The following UBE2J1 variants were observed in gnomAD, a reference collection of about 807,000 sequenced individuals.
UBE2J1 encodes ubiquitin-conjugating enzyme E2 J1.
A neutral mutation model predicts 42.1 loss-of-function variants in UBE2J1; 17 were observed. The ratio of observed to expected loss-of-function variants is 0.40; its 90% CI spans 0.28 to 0.61. UBE2J1 has a LOEUF of 0.61. Ranked by LOEUF, UBE2J1 falls within the 20% of genes least tolerant of loss-of-function variation. The pLI is 0.38. For missense variants in UBE2J1, 291 were observed against 389.4 expected, an observed-to-expected ratio of 0.75 and a Z score of 2.13; for synonymous variants, 127 against 137.2, an observed-to-expected ratio of 0.93 and a Z score of 0.52.
chr6:89,346,278 A>C (rs556171527), intron 1 of UBE2J1, among the ~76,000 whole-genome samples: 2 of 152,278 alleles, frequency 1.3e-5, no homozygotes, highest in East Asian at 3.9e-4. Flanking sequence ...TCACTGGATC[A>C]TCAACTATTT....
In UBE2J1 at chr6:89,338,128, G is replaced by A. The variant is rs762466481; in HGVS notation, c.428+77C>T. The A allele has an allele frequency of 7.5e-6, 7 of 928,156 alleles. No individual in the cohort carries two copies. In the Admixed American group the frequency reaches 1.6e-4, roughly 22 times the overall value. The allele number at this position is 928,156 out of a possible 1,614,324, so 57.5% of individuals were successfully genotyped here. A position where few individuals can be genotyped will look rare whatever the true frequency, so the allele number is the denominator to read the frequency against. ...ACTCAGAAAATAAGTCACATAGTAA[G>A]AGGTAGGCCCTACCTCCTAATAGCC... On this transcript the variant is annotated intron_variant, in intron 5 of 7. Transcript: ENST00000435041.
chr6:89,342,424 C>G lies in UBE2J1; in HGVS notation c.137G>C (p.Arg46Thr). 1.2e-6 allele frequency: 2 copies of G among 1,612,638 alleles called. No individual in the cohort carries two copies. The highest frequency in any genetic ancestry group is 1.7e-6 in the Non-Finnish European group (2 of 1,179,592). Residue 46 changes from arginine to threonine, a missense_variant, in exon 3 of 8, where the codon AGA (arginine) becomes ACA (threonine). Transcript: ENST00000435041. Reference protein sequence around the residue: ...DNLFEWHFTVRGPPDSDFDGG... With the variant: ...DNLFEWHFTVTGPPDSDFDGG... ...ATCAAAATCGGAGTCTGGGGGCCCTCTAACCGTGAAGTGCCATTCAAAAAG... is the reference window on the plus strand; with the variant it reads ...ATCAAAATCGGAGTCTGGGGGCCCTGTAACCGTGAAGTGCCATTCAAAAAG...
intron 7 of UBE2J1, among the ~76,000 whole-genome samples, chr6:89,332,330 C>A (rs974533913): frequency 6.6e-6 from 1 of 152,090 alleles, no homozygotes; most frequent in African/African-American, 2.4e-5. Flanking sequence ...TTTTTTGGCA[C>A]CAATCCAGTC....
At chr6:89,343,796 C>A in intron 1 of UBE2J1, 40 bp from the exon 2 acceptor site, 1 of 1,486,332 alleles carries the variant, frequency 6.7e-7, no homozygotes, top group East Asian at 2.4e-5. Context: ...TTAAAATATA[C>A]TTTTCTGAAT....
At chr6:89,343,519 TA>T (rs573801139) in intron 2 of UBE2J1, among the ~76,000 whole-genome samples, 163 bp downstream of exon 2, 23 of 150,914 alleles carry the variant, frequency 1.5e-4, no homozygotes, top group African/African-American at 5.3e-4. Context: ...CCGTTTCTTC[TA>T]AAGTGATTTG....
At chr6:89,334,597 G>A (rs112239906) in intron 6 of UBE2J1, among the ~76,000 whole-genome samples, 5,917 of 150,872 alleles carry the variant, frequency 0.039, 154 homozygotes, top group African/African-American at 0.074. Context: ...TCAGCCTCCC[G>A]AGTAGCTGGG....
In UBE2J1 at chr6:89,328,353, C is replaced by A. The variant is rs1767943848; in HGVS notation, c.*1326G>T. On this transcript the variant is annotated 3_prime_UTR_variant, in exon 8 of 8. Transcript: ENST00000435041. ...CCTCCCCTATACTATTCAAGATATA[C>A]ATATGGGCTAACTTTCGTGGACCGA... The A allele has an allele frequency of 2.0e-5, 3 of 152,202 alleles. No individual in the cohort carries two copies. In the South Asian group the frequency reaches 6.2e-4, roughly 31 times the overall value. 9.4% of individuals were successfully genotyped at this position (152,202 alleles called of 1,614,324 possible).
intron 3 of UBE2J1, 22 bp from the exon 4 acceptor site, chr6:89,338,565 T>G: frequency 6.9e-7 from 1 of 1,457,178 alleles, no homozygotes; most frequent in Non-Finnish European, 9.2e-7. Flanking sequence ...ACAATGCATT[T>G]AGAAAATTAA....
intron 3 of UBE2J1, 114 bp downstream of exon 3, chr6:89,342,210 A>T: frequency 7.9e-7 from 1 of 1,265,206 alleles, no homozygotes; most frequent in Admixed American, 2.6e-5. Context: ...CCTGGACCCC[A>T]AAAGCAAAAT....
At chr6:89,344,323 A>C (rs989660593) in intron 1 of UBE2J1, among the ~76,000 whole-genome samples, 1 of 152,200 alleles carries the variant, frequency 6.6e-6, no homozygotes, top group Admixed American at 6.5e-5. Flanking sequence ...ATCTTGCATT[A>C]AATGAATGGA....
At position 89,352,712 on chromosome 6, in the gene UBE2J1, G is replaced by C; in HGVS notation, c.-143C>G. 1 of 932,592 alleles carries C rather than the reference G, an allele frequency of 1.1e-6. No homozygotes were observed. The highest frequency in any genetic ancestry group is 1.5e-6 in the Non-Finnish European group (1 of 680,970). 57.8% of individuals were successfully genotyped at this position (932,592 alleles called of 1,614,324 possible). A position where few individuals can be genotyped will look rare whatever the true frequency, so the allele number is the denominator to read the frequency against. On this transcript the variant is annotated 5_prime_UTR_variant, in exon 1 of 8. Transcript: ENST00000435041. ...AATGCCGCCCAGTCCAGCCTGGACTGCGGGCGGGGTGGCAAGGCTGAGTGC... is the reference window on the plus strand; with the variant it reads ...AATGCCGCCCAGTCCAGCCTGGACTCCGGGCGGGGTGGCAAGGCTGAGTGC...
intron 7 of UBE2J1, among the ~76,000 whole-genome samples, chr6:89,332,766 A>G (rs1768034235): frequency 6.6e-6 from 1 of 152,244 alleles, no homozygotes; most frequent in Non-Finnish European, 1.5e-5. Context: ...GTGTCTATTT[A>G]GAAAGTGGCT....
chr6:89,333,941 G>A (rs1316644857), intron 6 of UBE2J1, among the ~76,000 whole-genome samples: 1 of 152,186 alleles, frequency 6.6e-6, no homozygotes, highest in African/African-American at 2.4e-5. Flanking sequence ...TGTTTGTGAA[G>A]CTAATTAAAT....
At chr6:89,336,452 C>T (rs9451205) in intron 5 of UBE2J1, among the ~76,000 whole-genome samples, 7 of 145,176 alleles carry the variant, frequency 4.8e-5, no homozygotes, top group East Asian at 2.1e-4. Flanking sequence ...CACCACACCC[C>T]GCTAATTTTT....
At chr6:89,330,070 A>G (rs1767980279) in intron 7 of UBE2J1, 113 bp from the exon 8 acceptor site, 1 of 1,019,720 alleles carries the variant, frequency 9.8e-7, no homozygotes, top group Non-Finnish European at 1.4e-6. Flanking sequence ...TAAGGGCAAC[A>G]CTACCAAGAA....
chr6:89,329,063 C>A lies in UBE2J1; in HGVS notation c.*616G>T, dbSNP rs1384109095. The A allele has an allele frequency of 2.6e-5, 4 of 152,438 alleles. No individual in the cohort carries two copies. The highest frequency in any genetic ancestry group is 9.7e-5 in the African/African-American group (4 of 41,440). The allele number at this position is 152,438 out of a possible 1,614,324, so 9.4% of individuals were successfully genotyped here. ...CATATCAAAGTGGTTACAAAGTACT[C>A]CCTCTTCAAGTAGCATCCAGTGACA... On this transcript the variant is annotated 3_prime_UTR_variant, in exon 8 of 8. Transcript: ENST00000435041.
At chr6:89,336,527 C>A (rs369165773) in intron 5 of UBE2J1, among the ~76,000 whole-genome samples, 2 of 142,936 alleles carry the variant, frequency 1.4e-5, no homozygotes, top group East Asian at 4.0e-4. Context: ...GAGACAGTGT[C>A]TCCCTGTGTT....
In UBE2J1 at chr6:89,338,220, CTT is replaced by C. The variant is rs775566353; in HGVS notation, c.411_412del (p.Arg138SerfsTer12). ...CAAAACTTACTTTTTGGCAAGTGCTCTTCTTTCCTCAGGAGTGTAATCTAGAG... is the reference window on the plus strand; with the variant it reads ...CAAAACTTACTTTTTGGCAAGTGCTCCTTTCCTCAGGAGTGTAATCTAGAG... On this transcript the variant is annotated frameshift_variant, in exon 5 of 8. Transcript: ENST00000435041. LOFTEE classifies it high-confidence loss of function. The C allele has an allele frequency of 6.2e-7, 1 of 1,611,942 alleles. No individual in the cohort carries two copies. The highest frequency in any genetic ancestry group is 1.7e-5 in the Admixed American group (1 of 59,550).
Position 89,338,905 on chromosome 6 carries a change from T to C in UBE2J1, c.238-362A>G, listed in dbSNP as rs544061087. 3.1e-3 allele frequency among the ~76,000 whole-genome samples: 468 copies of C among 152,194 alleles called. 3 individuals are homozygous for C. Among genetic ancestry groups the C allele is most frequent in the Middle Eastern group, 6.8e-3 (2 of 294 alleles). On this transcript the variant is annotated intron_variant, in intron 3 of 7. Coordinates refer to ENST00000435041, the MANE Select transcript of UBE2J1 (RefSeq NM_016021.3). ...TGGTCTCGATATCCTGACCTTGTGA[T>C]CTGCCCACCTTGGCCTCCCAAAGTG...
Sources: allele counts gnomAD v4.1 joint callset (sites outside exome capture counted in the v4.1 genomes callset), GRCh38; gene constraint gnomAD v4.1.1; transcripts MANE v1.5; gene names NCBI Gene and HGNC (gene_info 2026-07-23, HGNC 2026-07-21).